Variants in NUP205 observed in about 807,000 individuals in gnomAD.
NUP205 encodes nuclear pore complex protein Nup205.
NUP205 carries 76 observed loss-of-function variants against 253.8 expected under a neutral mutation model. The ratio of observed to expected loss-of-function variants is 0.30; its 90% CI spans 0.25 to 0.36. The LOEUF (loss-of-function observed/expected upper bound fraction) is 0.36. NUP205 is among the 10% of genes least tolerant of loss of function. NUP205 has a pLI of 1.00. For missense variants in NUP205, 2,162 were observed against 2,425.5 expected, an observed-to-expected ratio of 0.89 and a Z score of 2.28; for synonymous variants, 832 against 850.1, an observed-to-expected ratio of 0.98 and a Z score of 0.37.
chr7:135,593,187 A>G lies in NUP205; in HGVS notation c.1825A>G (p.Thr609Ala), dbSNP rs888574463. The G allele has an allele frequency of 6.2e-7, 1 of 1,613,880 alleles. No individual in the cohort carries two copies. Among genetic ancestry groups the G allele is most frequent in the South Asian group, 1.1e-5 (1 of 91,040 alleles). The change falls in exon 12 of 43, where the codon ACT becomes GCT. Residue 609 changes from threonine to alanine, a missense_variant. Physicochemically the swap from Thr to Ala is moderately conservative, Grantham distance 58 (BLOSUM62 0). Coordinates refer to ENST00000285968, the MANE Select transcript of NUP205 (RefSeq NM_015135.3). The stretch of plus-strand genomic sequence containing the variant: ...TTTGCAGCTCACGTCTACCATCATT[A>G]CTTGGGTAGGTAACTCATCCCCAGC... ...AFLQLTSTII[T>A]WSENARLALC... is the part of the protein sequence containing the mutation.
At chr7:135,630,937 G>GTTT (rs573414079) in intron 35 of NUP205, among the ~76,000 whole-genome samples, 10 of 140,348 alleles carry the variant, frequency 7.1e-5, no homozygotes, top group South Asian at 4.8e-4. Flanking sequence ...GTTTTGTTTT[G>GTTT]TTTTTTTTTT....
At chr7:135,648,031 C>A (rs1795044472) in intron 42 of NUP205, among the ~76,000 whole-genome samples, 1 of 152,132 alleles carries the variant, frequency 6.6e-6, no homozygotes, top group South Asian at 2.1e-4. Flanking sequence ...CCCTCCCTCC[C>A]TTCCTTCCCT....
chr7:135,640,761 G>A (rs1794902975), intron 38 of NUP205, among the ~76,000 whole-genome samples: 1 of 152,142 alleles, frequency 6.6e-6, no homozygotes, highest in South Asian at 2.1e-4. Flanking sequence ...TTAGGTGACA[G>A]GATGTCTTAA....
chr7:135,592,062 T>C (rs1281940841), intron 11 of NUP205, among the ~76,000 whole-genome samples: 1 of 152,220 alleles, frequency 6.6e-6, no homozygotes, highest in Non-Finnish European at 1.5e-5. Flanking sequence ...AAGCATCTGC[T>C]TTGTTAGGTA....
rs1320784625 is a variant in NUP205, at chr7:135,587,916, C to T, written c.1397C>T (p.Pro466Leu). ...GAGCTTGCTCTAGAATATTGGTGTC[C>T]CACAGAGCCTCTTCAGACTCCGACT... ...HLELALEYWC[P>L]TEPLQTPTIM... is the part of the protein sequence containing the mutation. Residue 466 changes from proline to leucine, a missense_variant, in exon 10 of 43, where the codon CCC becomes CTC. Transcript: ENST00000285968. 1.2e-6 allele frequency: 2 copies of T among 1,613,826 alleles called. No homozygotes were observed. The highest frequency in any genetic ancestry group is 1.7e-6 in the Non-Finnish European group (2 of 1,179,878).
chr7:135,564,320 G>C (rs1023238187), intron 1 of NUP205, among the ~76,000 whole-genome samples: 1 of 149,184 alleles, frequency 6.7e-6, no homozygotes, highest in Non-Finnish European at 1.5e-5. Context: ...GATCTCAGGT[G>C]ACTGCAACCT....
intron 30 of NUP205, 106 bp from the exon 31 acceptor site, chr7:135,622,658 ATTTTTTTGTTGCG>A: frequency 1.1e-6 from 1 of 937,738 alleles, no homozygotes; most frequent in Non-Finnish European, 1.6e-6. Flanking sequence ...TGATGGAAGG[ATTTTTTTGTTGCG>A]TTTTTTTTTT....
chr7:135,609,085 CA>C (rs1794162430), intron 22 of NUP205, among the ~76,000 whole-genome samples: 4 of 82,298 alleles, frequency 4.9e-5, no homozygotes, highest in East Asian at 3.3e-4. Flanking sequence ...GCCTGGGCAA[CA>C]AGAGCAAAAC....
At chr7:135,559,184 T>G (rs11764262) in intron 1 of NUP205, among the ~76,000 whole-genome samples, 33,773 of 152,122 alleles carry the variant, frequency 0.22, 4,341 homozygotes, top group East Asian at 0.5. Flanking sequence ...TAAGTCAGTC[T>G]TAGGTGCTTA....
intron 35 of NUP205, among the ~76,000 whole-genome samples, chr7:135,634,880 A>G (rs1020243015): frequency 2.0e-5 from 3 of 152,222 alleles, no homozygotes; most frequent in Admixed American, 1.3e-4. Context: ...GTTATGTGCT[A>G]TGGAGTCTAT....
intron 17 of NUP205, among the ~76,000 whole-genome samples, chr7:135,602,222 A>G (rs1793981705): frequency 6.6e-6 from 1 of 152,228 alleles, no homozygotes; most frequent in Non-Finnish European, 1.5e-5. Flanking sequence ...ATAAGACACT[A>G]TAGGAAGAAT....
Position 135,587,557 on chromosome 7 carries a change from A to T in NUP205, c.1219-18A>T. The T allele has an allele frequency of 6.9e-7, 1 of 1,445,070 alleles. No individual in the cohort carries two copies. Among genetic ancestry groups the T allele is most frequent in the East Asian group, 2.4e-5 (1 of 42,354 alleles). The allele number at this position is 1,445,070 out of a possible 1,614,324, so 89.5% of individuals were successfully genotyped here. ...CAATACATTTACATATTAAAACTATATCTAATAAATTTAATAGGTGAAACA... is the reference window on the plus strand; with the variant it reads ...CAATACATTTACATATTAAAACTATTTCTAATAAATTTAATAGGTGAAACA... On this transcript the variant is annotated intron_variant, in intron 8 of 42. Coordinates refer to ENST00000285968, the MANE Select transcript of NUP205 (RefSeq NM_015135.3).
intron 1 of NUP205, among the ~76,000 whole-genome samples, chr7:135,561,331 G>A (rs1296137084): frequency 6.6e-6 from 1 of 152,154 alleles, no homozygotes; most frequent in Non-Finnish European, 1.5e-5. Context: ...GCAACAGAGC[G>A]AGACTCTGTC....
intron 42 of NUP205, among the ~76,000 whole-genome samples, chr7:135,646,624 T>TGTAA (rs916355177): frequency 1.3e-5 from 2 of 152,142 alleles, no homozygotes; most frequent in African/African-American, 2.4e-5. Context: ...AATGAATGAA[T>TGTAA]GTAAGTAAGT....
chr7:135,563,692 CCCTT>C (rs1228513338), intron 1 of NUP205, among the ~76,000 whole-genome samples: 14 of 151,960 alleles, frequency 9.2e-5, no homozygotes, highest in Admixed American at 9.2e-4. Flanking sequence ...TTTATAGTGT[CCCTT>C]CATTTGTAAT....
intron 20 of NUP205, 105 bp from the exon 21 acceptor site, chr7:135,606,646 G>C: frequency 1.2e-6 from 1 of 812,058 alleles, no homozygotes; most frequent in African/African-American, 1.7e-5. Context: ...TCAGGCAAAC[G>C]ATCTAAAGAA....
At chr7:135,584,694 T>C in intron 7 of NUP205, 138 bp from the exon 8 acceptor site, 1 of 709,500 alleles carries the variant, frequency 1.4e-6, no homozygotes, top group Non-Finnish European at 2.4e-6. Flanking sequence ...TACAGTTATA[T>C]ATAGTCTCAT....
At chr7:135,570,048 T>G (rs978764347) in intron 1 of NUP205, among the ~76,000 whole-genome samples, 2,084 of 99,352 alleles carry the variant, frequency 0.021, 27 homozygotes, top group African/African-American at 0.044. Flanking sequence ...TATATATATA[T>G]ATATAGAGAG....
chr7:135,643,803 A>ATTATTAAGTATTAT (rs1794959265), intron 39 of NUP205, among the ~76,000 whole-genome samples: 1 of 152,192 alleles, frequency 6.6e-6, no homozygotes, highest in Non-Finnish European at 1.5e-5. Context: ...CCCTCTACTT[A>ATTATTAAGTATTAT]CAGTATTAAT....
Sources: gnomAD v4.1 joint callset for allele counts (sites outside exome capture counted in the v4.1 genomes callset) on GRCh38, gnomAD v4.1.1 for gene constraint, MANE v1.5 for transcripts, NCBI Gene and HGNC (gene_info 2026-07-23, HGNC 2026-07-21) for gene names.